Variants in ABCC4 observed in about 807,000 individuals in gnomAD.
The protein encoded by ABCC4 is ATP-binding cassette sub-family C member 4.
ABCC4 carries 102 observed loss-of-function variants against 168.5 expected under a neutral mutation model. That is an observed-to-expected ratio of 0.61 (90% CI 0.52 to 0.71). ABCC4 has a LOEUF of 0.71. ABCC4 is among the 30% of genes least tolerant of loss of function. The probability of loss-of-function intolerance (pLI) is 0.00; values close to 1 mark genes in which losing one functional copy is unlikely to be tolerated. For missense variants in ABCC4, 1,402 were observed against 1,605.8 expected (o/e 0.87, Z 2.17); for synonymous variants, 617 against 590.7 (o/e 1.04, Z -0.65).
rs11568643 is a variant in ABCC4, at chr13:95,053,199, T to C, written c.3367-15A>G. On this transcript the variant is annotated splice_polypyrimidine_tract_variant and intron_variant, in intron 26 of 30. Transcript: ENST00000645237. Reference sequence around the variant, plus strand: ...AAAACAGGTTCCTAAGTGCCCAAAATAGTCACGGTCATTACCACAGACTCT... The same window carrying C: ...AAAACAGGTTCCTAAGTGCCCAAAACAGTCACGGTCATTACCACAGACTCT... 0.076 allele frequency: 121,231 copies of C among 1,605,322 alleles called. 5,134 individuals carry two copies. The highest frequency in any genetic ancestry group is 0.086 in the Non-Finnish European group (100,623 of 1,171,996).
At chr13:95,195,635 T>G (rs569016455) in intron 8 of ABCC4, among the ~76,000 whole-genome samples, 101 of 152,124 alleles carry the variant, frequency 6.6e-4, no homozygotes, top group Non-Finnish European at 6.0e-4. Flanking sequence ...CTATTATTAT[T>G]GTTATTATTA....
In ABCC4 at chr13:95,142,256, A is replaced by G. The variant is rs544442966; in HGVS notation, c.2455+18933T>C. 2.6e-5 allele frequency among the ~76,000 whole-genome samples: 4 copies of G among 152,398 alleles called. No homozygotes were observed. The South Asian group carries it at 8.3e-4, about 32-fold the overall frequency. ...ACAGAATACTACTCAGCCATAAAAA[A>G]GAATGAATTAATGGCATTTGCAGTG... On this transcript the variant is annotated intron_variant, in intron 19 of 30. Transcript: ENST00000645237.
At chr13:95,274,397 C>A (rs1386523585) in intron 1 of ABCC4, among the ~76,000 whole-genome samples, 5 of 152,310 alleles carry the variant, frequency 3.3e-5, no homozygotes, top group Non-Finnish European at 5.9e-5. Context: ...CAACCCAGAG[C>A]TATGCCGTCT....
chr13:95,091,159 C>T (rs1164736715), intron 20 of ABCC4, among the ~76,000 whole-genome samples: 1 of 151,978 alleles, frequency 6.6e-6, no homozygotes, highest in African/African-American at 2.4e-5. Context: ...GTTAAACGAC[C>T]AAGCCTAAGA....
chr13:95,196,973 C>T (rs924407499), intron 8 of ABCC4, among the ~76,000 whole-genome samples: 1 of 152,156 alleles, frequency 6.6e-6, no homozygotes, highest in African/African-American at 2.4e-5. Flanking sequence ...AGTCACACTC[C>T]CAAAGTAGCC....
chr13:95,286,223 G>A (rs1003225557), intron 1 of ABCC4, among the ~76,000 whole-genome samples: 1 of 144,954 alleles, frequency 6.9e-6, no homozygotes, highest in African/African-American at 2.5e-5. Flanking sequence ...AGGTTCAAGC[G>A]ATTCTCCTGT....
At chr13:95,029,215 G>T (rs9556454) in intron 30 of ABCC4, among the ~76,000 whole-genome samples, 1,072 of 9,110 alleles carry the variant, frequency 0.12, 18 homozygotes, top group African/African-American at 0.22. Context: ...TATATATATA[G>T]AGAGAGAGAG....
rs764795054 is a variant in ABCC4, at chr13:95,301,271, T to G, written c.44A>C (p.Asp15Ala). ...YQEVKPNPLQ[D>A]ANLCSRVFFW... ...GAACACGCGTGAGCAGAGGTTCGCG[T>G]CCTGCAGCGGGTTGGGCTTCACCTC... The change falls in exon 1 of 31, where the codon GAC (aspartate) becomes GCC (alanine). Residue 15 changes from aspartate (D) to alanine (A), a missense_variant. Physicochemically the swap from Asp to Ala is moderately radical, Grantham distance 126. Coordinates refer to ENST00000645237, the MANE Select transcript of ABCC4 (RefSeq NM_005845.5). The G allele has an allele frequency of 6.3e-7, 1 of 1,595,450 alleles. No individual in the cohort carries two copies. The highest frequency in any genetic ancestry group is 1.4e-5 in the African/African-American group (1 of 73,068).
chr13:95,118,814 C>T (rs891068134), intron 19 of ABCC4, among the ~76,000 whole-genome samples: 2 of 152,170 alleles, frequency 1.3e-5, no homozygotes, highest in African/African-American at 2.4e-5. Flanking sequence ...TACATTAAAC[C>T]GAATCTTGCC....
intron 20 of ABCC4, among the ~76,000 whole-genome samples, chr13:95,086,350 C>T (rs1199607739): frequency 6.6e-6 from 1 of 151,982 alleles, no homozygotes; most frequent in Admixed American, 6.6e-5. Context: ...AAAGAAGAAC[C>T]ACATTTTAAT....
chr13:95,024,688 A>ATCATTTTTAAAGCCAG (rs2031302477), intron 30 of ABCC4, among the ~76,000 whole-genome samples: 1 of 152,184 alleles, frequency 6.6e-6, no homozygotes, highest in Non-Finnish European at 1.5e-5. Context: ...CCTCAAGTTC[A>ATCATTTTTAAAGCCAG]TCATTTTTAA....
At chr13:95,294,684 G>A (rs1211218562) in intron 1 of ABCC4, among the ~76,000 whole-genome samples, 2 of 152,150 alleles carry the variant, frequency 1.3e-5, no homozygotes, top group Admixed American at 6.5e-5. Context: ...TGGGCATGGC[G>A]GCTCACGCCT....
At chr13:95,222,532 G>A (rs563384758) in intron 4 of ABCC4, among the ~76,000 whole-genome samples, 1 of 152,302 alleles carries the variant, frequency 6.6e-6, no homozygotes, top group Non-Finnish European at 1.5e-5. Flanking sequence ...GAAGGCTGTG[G>A]GGTGGGGGTG....
chr13:95,134,126 T>C (rs530870037), intron 19 of ABCC4, among the ~76,000 whole-genome samples: 7 of 152,272 alleles, frequency 4.6e-5, no homozygotes, highest in East Asian at 3.9e-4. Context: ...GCATGAATAA[T>C]GGTCATTCAG....
intron 26 of ABCC4, chr13:95,054,020 C>CTTTTT (rs1566375296): frequency 8.2e-5 from 6 of 73,168 alleles, no homozygotes; most frequent in Non-Finnish European, 1.2e-4. Flanking sequence ...AATGGGACAT[C>CTTTTT]CTTTTTTTTT....
chr13:95,174,750 T>C (rs1209520432), intron 13 of ABCC4, among the ~76,000 whole-genome samples: 1 of 151,958 alleles, frequency 6.6e-6, no homozygotes, highest in Non-Finnish European at 1.5e-5. Context: ...CGCGCAAGAC[T>C]CAAGCAAGCC....
intron 9 of ABCC4, among the ~76,000 whole-genome samples, chr13:95,192,083 C>G (rs1209572482): frequency 6.6e-6 from 1 of 152,250 alleles, no homozygotes; most frequent in Admixed American, 6.5e-5. Context: ...AAATCCCTTC[C>G]CCATGGAGAG....
chr13:95,058,598 G>GAAAAAA (rs1253686789), intron 26 of ABCC4, among the ~76,000 whole-genome samples: 1 of 114,732 alleles, frequency 8.7e-6, no homozygotes, highest in Non-Finnish European at 1.8e-5. Flanking sequence ...AAAAAGAAAA[G>GAAAAAA]AAAAAGAAAA....
intron 1 of ABCC4, among the ~76,000 whole-genome samples, chr13:95,283,550 C>T (rs1343509977): frequency 1.3e-5 from 2 of 151,996 alleles, no homozygotes; most frequent in South Asian, 2.1e-4. Context: ...CTGCCCTCCC[C>T]TAACTTTATA....
Sources: allele counts gnomAD v4.1 joint callset (sites outside exome capture counted in the v4.1 genomes callset), GRCh38; gene constraint gnomAD v4.1.1; transcripts MANE v1.5; gene names NCBI Gene and HGNC (gene_info 2026-07-23, HGNC 2026-07-21).